Variants in HHAT observed in about 807,000 individuals in gnomAD.
The protein encoded by HHAT is protein-cysteine N-palmitoyltransferase HHAT.
In HHAT, 47 loss-of-function variants were observed where a neutral mutation model predicts 70.8. That is an observed-to-expected ratio of 0.66 (90% CI 0.53 to 0.85). HHAT has a LOEUF of 0.85. Among genes scored for constraint, HHAT ranks in the 40% least tolerant of loss-of-function variants. The pLI, the probability that HHAT is intolerant of heterozygous loss-of-function variation, is 0.00. For synonymous variants in HHAT, 228 were observed against 247.6 expected (o/e 0.92, Z 0.74); for missense variants, 609 against 604.8 (o/e 1.01, Z -0.07).
At chr1:210,636,035 A>G (rs77835448) in intron 11 of HHAT, among the ~76,000 whole-genome samples, 8,538 of 152,260 alleles carry the variant, frequency 0.056, 354 homozygotes, top group Middle Eastern at 0.13. Flanking sequence ...TTTGTAATCT[A>G]TGTTTGATAC....
intron 11 of HHAT, among the ~76,000 whole-genome samples, chr1:210,625,018 A>C (rs948355225): frequency 2.0e-5 from 3 of 152,228 alleles, no homozygotes; most frequent in African/African-American, 4.8e-5. Context: ...GCAGTATTCC[A>C]GAATGGCAGA....
chr1:210,429,072 C>T (rs2093165423), intron 7 of HHAT, among the ~76,000 whole-genome samples: 1 of 151,812 alleles, frequency 6.6e-6, no homozygotes, highest in Non-Finnish European at 1.5e-5. Flanking sequence ...CCTATCATAT[C>T]ACCTATGAAG....
At chr1:210,615,790 C>T (rs953113399) in intron 10 of HHAT, among the ~76,000 whole-genome samples, 1 of 152,234 alleles carries the variant, frequency 6.6e-6, no homozygotes, top group Non-Finnish European at 1.5e-5. Flanking sequence ...CTGATCGTTC[C>T]TCTGGAGGTT....
chr1:210,544,332 G>T (rs145634248), intron 9 of HHAT, among the ~76,000 whole-genome samples: 330 of 149,940 alleles, frequency 2.2e-3, no homozygotes, highest in Middle Eastern at 0.01. Context: ...TAAGTCTCCA[G>T]GGTGTTTTGT....
intron 7 of HHAT, among the ~76,000 whole-genome samples, chr1:210,442,090 A>G (rs2093527284): frequency 6.9e-6 from 1 of 143,886 alleles, no homozygotes; most frequent in Middle Eastern, 3.3e-3. Context: ...TACGAGTGAG[A>G]ATATGCAGTG....
At chr1:210,562,855 T>C (rs1374228592) in intron 9 of HHAT, among the ~76,000 whole-genome samples, 1 of 132,694 alleles carries the variant, frequency 7.5e-6, no homozygotes, top group African/African-American at 2.7e-5. Flanking sequence ...CCTTCCTGTG[T>C]CCATGTGTTC....
chr1:210,370,657 C>T (rs1009247836), intron 3 of HHAT, among the ~76,000 whole-genome samples: 6 of 141,170 alleles, frequency 4.3e-5, no homozygotes, highest in African/African-American at 1.6e-4. Flanking sequence ...CTCTGTCACC[C>T]AGGCTGGAGT....
intron 10 of HHAT, among the ~76,000 whole-genome samples, chr1:210,612,789 C>T (rs923911767): frequency 4.6e-5 from 7 of 152,168 alleles, no homozygotes; most frequent in Admixed American, 1.3e-4. Flanking sequence ...AAGATTTCTT[C>T]ATGTCCTCAT....
At chr1:210,410,562 CTT>C (rs2092510520) in intron 6 of HHAT, among the ~76,000 whole-genome samples, 2 of 116,250 alleles carry the variant, frequency 1.7e-5, no homozygotes, top group Admixed American at 1.0e-4. Flanking sequence ...GAGTCTCACT[CTT>C]CACCCAGGCT....
Position 210,668,340 on chromosome 1 carries a change from C to T in HHAT, c.1391-5948C>T, listed in dbSNP as rs144850868. Among the ~76,000 whole-genome samples the T allele has an allele frequency of 1.7e-4, 26 of 152,278 alleles. 1 individual carries two copies. Among genetic ancestry groups the T allele is most frequent in the African/African-American group, 6.3e-4 (26 of 41,532 alleles). ...TTGGTGTGGTTTGGCTGTGTCCCCACCCAAATCTCATTTTGAATTATAGCT... is the reference window on the plus strand; with the variant it reads ...TTGGTGTGGTTTGGCTGTGTCCCCATCCAAATCTCATTTTGAATTATAGCT... On this transcript the variant is annotated intron_variant, in intron 11 of 11. Transcript: ENST00000261458.
chr1:210,601,010 A>G (rs1199472272), intron 10 of HHAT, among the ~76,000 whole-genome samples: 1 of 152,064 alleles, frequency 6.6e-6, no homozygotes, highest in Non-Finnish European at 1.5e-5. Context: ...ATTTCTATTT[A>G]TACACTTAAT....
intron 7 of HHAT, among the ~76,000 whole-genome samples, chr1:210,425,566 C>T (rs781253498): frequency 2.6e-5 from 4 of 152,084 alleles, no homozygotes; most frequent in Non-Finnish European, 4.4e-5. Flanking sequence ...ATGTGGCTAG[C>T]CGGTTACCCA....
At chr1:210,587,848 G>C (rs1660809621) in intron 9 of HHAT, 50 bp from the exon 10 acceptor site, 3 of 1,402,192 alleles carry the variant, frequency 2.1e-6, no homozygotes, top group Non-Finnish European at 3.0e-6. Flanking sequence ...AGCAGATAGA[G>C]TTGCAGGGCA....
At chr1:210,477,723 C>T (rs2501897) in intron 8 of HHAT, among the ~76,000 whole-genome samples, 25,550 of 152,022 alleles carry the variant, frequency 0.17, 2,358 homozygotes, top group East Asian at 0.42. Flanking sequence ...CTACAGGTGG[C>T]GCCTGGGTTG....
intron 4 of HHAT, among the ~76,000 whole-genome samples, chr1:210,388,021 C>G (rs1270434988): frequency 6.6e-6 from 1 of 152,166 alleles, no homozygotes; most frequent in Non-Finnish European, 1.5e-5. Context: ...TTTGCTCTTG[C>G]CTTGGGCTGG....
chr1:210,665,731 TG>T (rs1301527181), intron 11 of HHAT, among the ~76,000 whole-genome samples: 3 of 152,242 alleles, frequency 2.0e-5, no homozygotes, highest in African/African-American at 7.2e-5. Flanking sequence ...CCTGCCACCC[TG>T]GGCTTGGGAT....
chr1:210,563,499 A>C (rs1430986532), intron 9 of HHAT, among the ~76,000 whole-genome samples: 1 of 151,992 alleles, frequency 6.6e-6, no homozygotes, highest in Admixed American at 6.6e-5. Context: ...ATTGCGGTGG[A>C]GTGAAGTCCA....
At chr1:210,334,664 C>G (rs1336528977) in intron 1 of HHAT, among the ~76,000 whole-genome samples, 1 of 151,420 alleles carries the variant, frequency 6.6e-6, no homozygotes, top group Admixed American at 6.6e-5. Flanking sequence ...GTGTATACAC[C>G]CTACCTTTTT....
chr1:210,563,592 G>A (rs533524427), intron 9 of HHAT, among the ~76,000 whole-genome samples: 1 of 152,138 alleles, frequency 6.6e-6, no homozygotes, highest in Non-Finnish European at 1.5e-5. Flanking sequence ...GCAGGGAGTT[G>A]GGAACCACTT....
Sources: gnomAD v4.1 joint callset for allele counts (sites outside exome capture counted in the v4.1 genomes callset) on GRCh38, gnomAD v4.1.1 for gene constraint, MANE v1.5 for transcripts, NCBI Gene and HGNC (gene_info 2026-07-23, HGNC 2026-07-21) for gene names.